SCYL2: variants seen among roughly 807,000 people sequenced by gnomAD.
SCYL2 encodes SCY1 like pseudokinase 2.
In SCYL2, 36 loss-of-function variants were observed where a neutral mutation model predicts 100.4. That is an observed-to-expected ratio of 0.36 (90% CI 0.27 to 0.47). The LOEUF (loss-of-function observed/expected upper bound fraction) is 0.47, where lower values mean the gene tolerates loss of function less well. SCYL2 is among the 20% of genes least tolerant of loss of function. The probability of loss-of-function intolerance (pLI) is 1.00; values close to 1 mark genes in which losing one functional copy is unlikely to be tolerated. For missense variants in SCYL2, 902 were observed against 1,083.9 expected, an observed-to-expected ratio of 0.83 and a Z score of 2.36; for synonymous variants, 330 against 359.2, an observed-to-expected ratio of 0.92 and a Z score of 0.92.
intron 2 of SCYL2, 82 bp from the exon 3 acceptor site, chr12:100,291,421 G>A: frequency 1.1e-6 from 1 of 950,864 alleles, no homozygotes; most frequent in Non-Finnish European, 1.5e-6. Context: ...TTATGGCATA[G>A]TTATTTGTAG....
intron 10 of SCYL2, 56 bp from the exon 11 acceptor site, chr12:100,323,469 T>C: frequency 9.7e-7 from 1 of 1,035,088 alleles, no homozygotes; most frequent in African/African-American, 1.6e-5. Context: ...CTTTGTAATA[T>C]CAGAGAGAAA....
At chr12:100,331,532 T>C (rs1952208921) in intron 13 of SCYL2, among the ~76,000 whole-genome samples, 1 of 152,044 alleles carries the variant, frequency 6.6e-6, no homozygotes, top group African/African-American at 2.4e-5. Context: ...TGCTTGAGCC[T>C]GGGAGGTGAA....
chr12:100,304,364 G>A (rs2096331446), intron 4 of SCYL2, among the ~76,000 whole-genome samples: 3 of 152,094 alleles, frequency 2.0e-5, no homozygotes, highest in Non-Finnish European at 4.4e-5. Context: ...TTTTGTGCTT[G>A]AAACCCAGGG....
intron 2 of SCYL2, among the ~76,000 whole-genome samples, chr12:100,287,336 G>T (rs10860573): frequency 1.3e-5 from 2 of 151,912 alleles, no homozygotes; most frequent in Admixed American, 6.6e-5. Context: ...CTCAGGCTGG[G>T]GTGCAATGAC....
chr12:100,297,932 T>A (rs2096322841), intron 3 of SCYL2, 99 bp from the exon 4 acceptor site: 1 of 944,300 alleles, frequency 1.1e-6, no homozygotes, highest in African/African-American at 1.7e-5. Flanking sequence ...AGTTACCTTC[T>A]TATTGATAGT....
chr12:100,320,986 TG>T (rs1455530663), intron 10 of SCYL2, among the ~76,000 whole-genome samples: 1 of 152,188 alleles, frequency 6.6e-6, no homozygotes, highest in African/African-American at 2.4e-5. Flanking sequence ...TTGAGTGCAG[TG>T]GCACAATCTT....
chr12:100,267,742 G>A lies in SCYL2; in HGVS notation c.-79G>A, dbSNP rs2096280492. On this transcript the variant is annotated 5_prime_UTR_variant, in exon 1 of 18. It introduces an in-frame stop codon into an upstream open reading frame of the 5' UTR. Coordinates refer to ENST00000360820, the MANE Select transcript of SCYL2 (RefSeq NM_017988.6). ...CCGGCTCGAGAGCTCGGGTTTCGGT[G>A]GTGGAGAACGTAGTACCTTTCGGGG... The A allele has an allele frequency of 1.3e-5, 2 of 152,412 alleles. No individual in the cohort carries two copies. The highest frequency in any genetic ancestry group is 1.3e-4 in the Admixed American group (2 of 15,284). 9.4% of individuals were successfully genotyped at this position (152,412 alleles called of 1,614,324 possible).
intron 1 of SCYL2, among the ~76,000 whole-genome samples, chr12:100,281,329 A>G (rs1481317133): frequency 6.6e-6 from 1 of 152,138 alleles, no homozygotes; most frequent in Non-Finnish European, 1.5e-5. Flanking sequence ...CTTTATTAGG[A>G]AATATTCTTA....
intron 13 of SCYL2, among the ~76,000 whole-genome samples, chr12:100,332,444 A>C (rs77153109): frequency 0.011 from 1,679 of 152,292 alleles, 35 homozygotes; most frequent in African/African-American, 0.036. Flanking sequence ...TTTCGAGGAT[A>C]GCAGTTTAGG....
chr12:100,326,116 AAAT>A (rs1217791156), intron 11 of SCYL2, among the ~76,000 whole-genome samples: 1 of 152,034 alleles, frequency 6.6e-6, no homozygotes, highest in Non-Finnish European at 1.5e-5. Flanking sequence ...AAAAGCTTCT[AAAT>A]AAGAGGTCTT....
At chr12:100,293,044 C>T (rs78872375) in intron 3 of SCYL2, among the ~76,000 whole-genome samples, 2,071 of 152,194 alleles carry the variant, frequency 0.014, 24 homozygotes, top group Non-Finnish European at 0.022. Context: ...CTATATTACT[C>T]AGGCTGATCT....
At chr12:100,276,904 A>G (rs1440569494) in intron 1 of SCYL2, among the ~76,000 whole-genome samples, 1 of 152,082 alleles carries the variant, frequency 6.6e-6, no homozygotes, top group Non-Finnish European at 1.5e-5. Context: ...ATTTCTTTGT[A>G]AGTACTGCTT....
At chr12:100,269,252 G>A (rs1199520958) in intron 1 of SCYL2, among the ~76,000 whole-genome samples, 1 of 151,908 alleles carries the variant, frequency 6.6e-6, no homozygotes, top group Admixed American at 6.6e-5. Flanking sequence ...TAGTCACCCT[G>A]TCTTTTCTGT....
At chr12:100,293,880 G>C in intron 3 of SCYL2, among the ~76,000 whole-genome samples, 1 of 152,170 alleles carries the variant, frequency 6.6e-6, no homozygotes, top group East Asian at 1.9e-4. Context: ...CAAGGCAGAA[G>C]AATTTTTCTT....
intron 10 of SCYL2, among the ~76,000 whole-genome samples, chr12:100,320,010 C>T (rs1001826119): frequency 6.6e-6 from 1 of 152,116 alleles, no homozygotes; most frequent in Non-Finnish European, 1.5e-5. Context: ...AGATGGTTTG[C>T]AAAAGGTAGG....
chr12:100,273,763 T>C (rs751885793), intron 1 of SCYL2, among the ~76,000 whole-genome samples: 4 of 152,216 alleles, frequency 2.6e-5, no homozygotes, highest in Non-Finnish European at 4.4e-5. Context: ...TTTGAGCCCA[T>C]CTTAATATTT....
intron 1 of SCYL2, among the ~76,000 whole-genome samples, chr12:100,273,964 G>A (rs558095408): frequency 1.3e-5 from 2 of 152,270 alleles, no homozygotes; most frequent in African/African-American, 2.4e-5. Context: ...ATAGAATTTT[G>A]TATCCTTTCA....
At chr12:100,318,033 G>GA in intron 10 of SCYL2, 108 bp downstream of exon 10, 3 of 955,220 alleles carry the variant, frequency 3.1e-6, no homozygotes, top group Non-Finnish European at 4.5e-6. Context: ...TAACTCAATA[G>GA]TAAATATATT....
At chr12:100,299,777 GT>G (rs1262918712) in intron 4 of SCYL2, among the ~76,000 whole-genome samples, 2 of 151,730 alleles carry the variant, frequency 1.3e-5, no homozygotes, top group Non-Finnish European at 2.9e-5. Flanking sequence ...TAATATTTGG[GT>G]TGTTTCTAGT....
Sources: allele counts gnomAD v4.1 joint callset (sites outside exome capture counted in the v4.1 genomes callset), GRCh38; gene constraint gnomAD v4.1.1; transcripts MANE v1.5; gene names NCBI Gene and HGNC (gene_info 2026-07-23, HGNC 2026-07-21).